NUMB: variants seen among roughly 807,000 people sequenced by gnomAD.
The protein encoded by NUMB is NUMB endocytic adaptor protein, also known as protein numb homolog.
In NUMB, 29 loss-of-function variants were observed where a neutral mutation model predicts 59.7. That is an observed-to-expected ratio of 0.49 (90% CI 0.36 to 0.66). The LOEUF (loss-of-function observed/expected upper bound fraction) is 0.66, where lower values mean the gene tolerates loss of function less well. Among genes scored for constraint, NUMB ranks in the 30% least tolerant of loss-of-function variants. The pLI is 0.00. For synonymous variants in NUMB, 288 were observed against 288.2 expected (o/e 1.00, Z 0.01); for missense variants, 723 against 822.0 (o/e 0.88, Z 1.47).
At chr14:73,293,671 A>G (rs1889561033) in intron 7 of NUMB, among the ~76,000 whole-genome samples, 1 of 152,108 alleles carries the variant, frequency 6.6e-6, no homozygotes, top group Non-Finnish European at 1.5e-5. Context: ...GATTACAGGC[A>G]CGAGCCACCG....
chr14:73,322,190 A>C (rs1473005965), intron 5 of NUMB, among the ~76,000 whole-genome samples: 2 of 152,222 alleles, frequency 1.3e-5, no homozygotes, highest in Non-Finnish European at 2.9e-5. Context: ...CTTTCACAGC[A>C]AAGTGGGGAA....
chr14:73,312,311 T>C lies in NUMB; in HGVS notation c.234+4079A>G, dbSNP rs887483299. 5.3e-5 allele frequency among the ~76,000 whole-genome samples: 8 copies of C among 152,096 alleles called. No homozygotes were observed. In the East Asian group the frequency reaches 5.8e-4, roughly 11 times the overall value. On this transcript the variant is annotated intron_variant, in intron 6 of 12. Coordinates refer to ENST00000555238, the MANE Select transcript of NUMB (RefSeq NM_001005743.2). ...TGGGAGGCTGAAGCAAAAAATCACC[T>C]GAACCCAGAAAGCAGAGGTTGCAGT...
chr14:73,386,899 G>A (rs1236659793), intron 2 of NUMB, among the ~76,000 whole-genome samples: 1 of 21,798 alleles, frequency 4.6e-5, no homozygotes, highest in African/African-American at 1.7e-4. Context: ...TTTTTTTTTT[G>A]AGACGGAGTC....
At chr14:73,425,511 A>G (rs1897539996) in intron 1 of NUMB, among the ~76,000 whole-genome samples, 1 of 152,054 alleles carries the variant, frequency 6.6e-6, no homozygotes, top group Non-Finnish European at 1.5e-5. Flanking sequence ...CTGGCCTAAA[A>G]TTAAATTTAA....
intron 1 of NUMB, among the ~76,000 whole-genome samples, chr14:73,416,900 C>A (rs1285645118): frequency 6.6e-6 from 1 of 151,594 alleles, no homozygotes; most frequent in Non-Finnish European, 1.5e-5. Flanking sequence ...TGCCTTTGGG[C>A]CCACCACGCC....
chr14:73,413,950 T>C lies in NUMB; in HGVS notation c.-232-3882A>G, dbSNP rs183002021. Among the ~76,000 whole-genome samples, 94 of 151,588 alleles carry C rather than the reference T, an allele frequency of 6.2e-4. 1 individual carries two copies. The highest frequency in any genetic ancestry group is 9.0e-4 in the African/African-American group (37 of 41,298). On this transcript the variant is annotated intron_variant, in intron 1 of 12. Transcript: ENST00000555238. ...GTTTTAAATTTAATTATCTCAAATG[T>C]TTTTTCTTTTTTTTTTTTTTTTGAT...
At chr14:73,350,777 C>T (rs1375039286) in intron 4 of NUMB, among the ~76,000 whole-genome samples, 1 of 151,804 alleles carries the variant, frequency 6.6e-6, no homozygotes, top group Non-Finnish European at 1.5e-5. Flanking sequence ...AACCCTCCCA[C>T]CTTGGCCTCC....
Position 73,411,568 on chromosome 14 carries a change from G to T in NUMB, c.-232-1500C>A, listed in dbSNP as rs541898651. Among the ~76,000 whole-genome samples the T allele has an allele frequency of 2.0e-4, 30 of 152,264 alleles. 1 individual carries two copies. The South Asian group carries it at 6.2e-3, about 32-fold the overall frequency. On this transcript the variant is annotated intron_variant, in intron 1 of 12. Transcript: ENST00000555238. The stretch of plus-strand genomic sequence containing the variant: ...TTAAAACACTATAAAACTCAGTAGT[G>T]CTTTTCTTCACTAGCTTCTAAGCAG...
At chr14:73,386,051 C>T (rs1594974689) in intron 2 of NUMB, among the ~76,000 whole-genome samples, 3 of 152,142 alleles carry the variant, frequency 2.0e-5, no homozygotes, top group East Asian at 1.9e-4. Context: ...TAGGAACCTC[C>T]TATTTTTTTT....
chr14:73,395,261 T>C (rs1017147730), intron 2 of NUMB, among the ~76,000 whole-genome samples: 3 of 99,002 alleles, frequency 3.0e-5, no homozygotes, highest in Non-Finnish European at 1.9e-5. Flanking sequence ...CATCTGTTGA[T>C]GGACACTTAG....
At chr14:73,374,424 A>G (rs1485474477) in intron 2 of NUMB, among the ~76,000 whole-genome samples, 1 of 152,156 alleles carries the variant, frequency 6.6e-6, no homozygotes, top group East Asian at 1.9e-4. Flanking sequence ...TACAGGTCCA[A>G]GGATAGCCCA....
intron 2 of NUMB, among the ~76,000 whole-genome samples, chr14:73,401,089 A>G (rs1208911246): frequency 6.6e-6 from 1 of 152,194 alleles, no homozygotes; most frequent in East Asian, 1.9e-4. Context: ...ATCTGATTCT[A>G]TCTCCAAGTA....
At chr14:73,379,939 C>T (rs901136163) in intron 2 of NUMB, among the ~76,000 whole-genome samples, 29 of 152,048 alleles carry the variant, frequency 1.9e-4, no homozygotes, top group Admixed American at 1.2e-3. Flanking sequence ...GTAGGAATAA[C>T]GAGATTTATG....
intron 4 of NUMB, among the ~76,000 whole-genome samples, chr14:73,340,671 T>G (rs888230859): frequency 6.6e-6 from 1 of 152,190 alleles, no homozygotes; most frequent in African/African-American, 2.4e-5. Flanking sequence ...GAGAAGAAAA[T>G]GTAGCACATT....
intron 6 of NUMB, 130 bp from the exon 7 acceptor site, chr14:73,297,415 G>A (rs920365381): frequency 2.4e-5 from 15 of 616,484 alleles, no homozygotes; most frequent in Admixed American, 1.9e-4. Context: ...AAGTTCAGGA[G>A]TGGTGCCCAA....
At chr14:73,333,157 A>C (rs893460492) in intron 4 of NUMB, among the ~76,000 whole-genome samples, 2 of 152,178 alleles carry the variant, frequency 1.3e-5, no homozygotes, top group Non-Finnish European at 2.9e-5. Context: ...AAGTACCACC[A>C]ATCTGCTTTT....
At chr14:73,405,237 A>C (rs1299042322) in intron 2 of NUMB, among the ~76,000 whole-genome samples, 1 of 152,112 alleles carries the variant, frequency 6.6e-6, no homozygotes, top group African/African-American at 2.4e-5. Context: ...AACTATCCCC[A>C]AACTAGCTGT....
chr14:73,311,836 G>A (rs1890791014), intron 6 of NUMB, among the ~76,000 whole-genome samples: 1 of 152,118 alleles, frequency 6.6e-6, no homozygotes, highest in Non-Finnish European at 1.5e-5. Context: ...AACCACAATT[G>A]ACCTAGCAAA....
chr14:73,319,579 CAA>C, intron 5 of NUMB, among the ~76,000 whole-genome samples: 1 of 152,058 alleles, frequency 6.6e-6, no homozygotes, highest in African/African-American at 2.4e-5. Context: ...AAAAAACAAA[CAA>C]AAAGTCTCCA....
Sources: allele counts gnomAD v4.1 joint callset (sites outside exome capture counted in the v4.1 genomes callset), GRCh38; gene constraint gnomAD v4.1.1; transcripts MANE v1.5; gene names NCBI Gene and HGNC (gene_info 2026-07-23, HGNC 2026-07-21).